The following AFF3 variants were observed in gnomAD, a reference collection of about 807,000 sequenced individuals.
The protein encoded by AFF3 is AF4/FMR2 family member 3.
A neutral mutation model predicts 129.7 loss-of-function variants in AFF3; 32 were observed. The ratio of observed to expected loss-of-function variants is 0.25; its 90% CI spans 0.19 to 0.33. The LOEUF is 0.33. Among genes scored for constraint, AFF3 ranks in the 10% least tolerant of loss-of-function variants. The pLI, the probability that AFF3 is intolerant of heterozygous loss-of-function variation, is 1.00. For synonymous variants in AFF3, 644 were observed against 635.4 expected, an observed-to-expected ratio of 1.01 and a Z score of -0.20; for missense variants, 1,373 against 1,592.0, an observed-to-expected ratio of 0.86 and a Z score of 2.34.
chr2:99,986,586 G>T (rs935994601), intron 7 of AFF3, among the ~76,000 whole-genome samples: 4 of 152,122 alleles, frequency 2.6e-5, no homozygotes, highest in African/African-American at 9.7e-5. Context: ...AAGCAAAGAA[G>T]CTGTTTTAAA....
intron 18 of AFF3, among the ~76,000 whole-genome samples, 181 bp from the exon 19 acceptor site, chr2:99,569,096 C>T (rs1054215932): frequency 3.3e-5 from 5 of 152,182 alleles, no homozygotes; most frequent in Non-Finnish European, 7.3e-5. Flanking sequence ...TACATTTTCT[C>T]TTAAGTTAGC....
intron 11 of AFF3, among the ~76,000 whole-genome samples, chr2:99,704,536 T>C (rs1346495173): frequency 6.6e-6 from 1 of 152,092 alleles, no homozygotes; most frequent in Non-Finnish European, 1.5e-5. Flanking sequence ...CCCAAGGAAA[T>C]TAGAGTTGAG....
At chr2:100,131,542 C>A (rs959266793) in intron 1 of AFF3, among the ~76,000 whole-genome samples, 1 of 152,142 alleles carries the variant, frequency 6.6e-6, no homozygotes, top group Non-Finnish European at 1.5e-5. Flanking sequence ...TCACTGCAAC[C>A]TCTGCCTCCC....
chr2:99,927,479 A>G (rs1291016259), intron 7 of AFF3, among the ~76,000 whole-genome samples: 2 of 152,206 alleles, frequency 1.3e-5, no homozygotes, highest in African/African-American at 4.8e-5. Context: ...ACTCAGGAAC[A>G]GAAGACCAAC....
intron 7 of AFF3, among the ~76,000 whole-genome samples, chr2:99,861,733 T>C (rs1691014441): frequency 6.6e-6 from 1 of 152,208 alleles, no homozygotes; most frequent in African/African-American, 2.4e-5. Flanking sequence ...AATATTTGTG[T>C]ACCCAAACAG....
At chr2:99,973,853 GA>G (rs1382361915) in intron 7 of AFF3, among the ~76,000 whole-genome samples, 1 of 152,108 alleles carries the variant, frequency 6.6e-6, no homozygotes, top group Non-Finnish European at 1.5e-5. Flanking sequence ...GGTGCCCGGG[GA>G]GGGTTCCTCT....
intron 11 of AFF3, chr2:99,707,169 C>T: frequency 1.0e-6 from 1 of 985,470 alleles, no homozygotes; most frequent in Non-Finnish European, 1.2e-6. Context: ...CCTGTAACAA[C>T]ATCCTAAAAT....
intron 13 of AFF3, among the ~76,000 whole-genome samples, chr2:99,609,539 G>T (rs947630736): frequency 1.3e-5 from 2 of 152,120 alleles, no homozygotes; most frequent in African/African-American, 4.8e-5. Context: ...ACCCATCCAG[G>T]TTGCTGCAAA....
chr2:99,749,380 T>A (rs911078741), intron 9 of AFF3, among the ~76,000 whole-genome samples: 6 of 152,212 alleles, frequency 3.9e-5, no homozygotes, highest in Admixed American at 3.9e-4. Flanking sequence ...CTTAAGCATC[T>A]ACATGAAACA....
chr2:100,008,984 A>G, intron 4 of AFF3, 52 bp from the exon 5 acceptor site: 1 of 1,599,586 alleles, frequency 6.3e-7, no homozygotes, highest in South Asian at 1.1e-5. Flanking sequence ...TTAAACTGTA[A>G]AGCCCAATGT....
intron 10 of AFF3, among the ~76,000 whole-genome samples, chr2:99,735,390 T>G (rs1190759007): frequency 6.6e-6 from 1 of 152,160 alleles, no homozygotes; most frequent in Non-Finnish European, 1.5e-5. Context: ...CTTTTGTTTT[T>G]TTTTTGTAAA....
chr2:99,566,446 G>A (rs915147061), intron 19 of AFF3, among the ~76,000 whole-genome samples: 8 of 152,196 alleles, frequency 5.3e-5, no homozygotes, highest in Non-Finnish European at 1.0e-4. Context: ...GTTTTGGGAA[G>A]GTGAGGCAGG....
chr2:99,942,832 C>T (rs1383199296), intron 7 of AFF3, among the ~76,000 whole-genome samples: 4 of 152,064 alleles, frequency 2.6e-5, no homozygotes, highest in Non-Finnish European at 4.4e-5. Flanking sequence ...CCCTCTCCAC[C>T]CACCTGGCCT....
At chr2:99,672,476 T>C in intron 12 of AFF3, 62 bp downstream of exon 12, 1 of 1,542,804 alleles carries the variant, frequency 6.5e-7, no homozygotes, top group Non-Finnish European at 9.0e-7. Context: ...CCCGGCACAG[T>C]CCACCAGGTA....
chr2:100,119,463 C>G (rs1376486261), intron 2 of AFF3, among the ~76,000 whole-genome samples: 1 of 152,184 alleles, frequency 6.6e-6, no homozygotes, highest in Non-Finnish European at 1.5e-5. Flanking sequence ...AATTCCTAAC[C>G]TGGTCTTGAC....
chr2:100,092,284 C>T (rs1250923733), intron 4 of AFF3, among the ~76,000 whole-genome samples: 2 of 151,832 alleles, frequency 1.3e-5, no homozygotes, highest in Non-Finnish European at 2.9e-5. Flanking sequence ...TCCCCTTCTA[C>T]CCAGAAAATG....
intron 7 of AFF3, among the ~76,000 whole-genome samples, chr2:99,868,928 G>T (rs1188787687): frequency 1.3e-5 from 2 of 152,100 alleles, no homozygotes; most frequent in Non-Finnish European, 2.9e-5. Context: ...GAGTAGCTGG[G>T]ACTACTGATG....
intron 10 of AFF3, among the ~76,000 whole-genome samples, chr2:99,737,099 T>G (rs1174153764): frequency 6.6e-6 from 1 of 152,168 alleles, no homozygotes; most frequent in Non-Finnish European, 1.5e-5. Context: ...CCCTACAAAT[T>G]GCAAATATTT....
At chr2:99,553,783 A>G (rs1674630803) in intron 24 of AFF3, among the ~76,000 whole-genome samples, 1 of 151,950 alleles carries the variant, frequency 6.6e-6, no homozygotes, top group South Asian at 2.1e-4. Flanking sequence ...GAGCGGTGGC[A>G]CATGCCTGTA....
Sources: gnomAD v4.1 joint callset for allele counts (sites outside exome capture counted in the v4.1 genomes callset) on GRCh38, gnomAD v4.1.1 for gene constraint, MANE v1.5 for transcripts, NCBI Gene and HGNC (gene_info 2026-07-23, HGNC 2026-07-21) for gene names.